Variants in ITPR3 observed in about 807,000 individuals in gnomAD.
The protein encoded by ITPR3 is inositol 1,4,5-trisphosphate-gated calcium channel ITPR3.
A neutral mutation model predicts 293.2 loss-of-function variants in ITPR3; 173 were observed. The observed-to-expected ratio is 0.59, with a 90% CI of 0.52 to 0.67. The LOEUF (loss-of-function observed/expected upper bound fraction) is 0.67. Among genes scored for constraint, ITPR3 ranks in the 30% least tolerant of loss-of-function variants. ITPR3 has a pLI of 0.00. For missense variants in ITPR3, 2,796 were observed against 3,592.1 expected, an observed-to-expected ratio of 0.78 and a Z score of 5.66; for synonymous variants, 1,295 against 1,444.4, an observed-to-expected ratio of 0.90 and a Z score of 2.35.
At position 33,667,278 on chromosome 6, in the gene ITPR3, C is replaced by A. The variant is rs1300972481; in HGVS notation, c.1701C>A (p.Tyr567Ter). The change falls in exon 15 of 58, where the codon TAC becomes TAA. Residue 567 changes from tyrosine (Y) to a stop codon, truncating the protein, a stop_gained. Coordinates refer to ENST00000605930, the MANE Select transcript of ITPR3 (RefSeq NM_002224.4). LOFTEE classifies it high-confidence loss of function. The surrounding 1 kb of genome is among the most constrained non-coding windows in gnomAD (Gnocchi z 4.4). ...YRVLRHSQEDYRKNQEHIAKQ... is the reference protein window; with the variant it reads ...YRVLRHSQED ...TGTTGCGGCATTCCCAGGAGGACTA[C>A]CGCAAGAACCAGGTGCGCCGCTGCC... 6.2e-7 allele frequency: 1 copy of A among 1,612,262 alleles called. No homozygotes were observed. Among genetic ancestry groups the A allele is most frequent in the Non-Finnish European group, 8.5e-7 (1 of 1,179,714 alleles).
chr6:33,656,527 TC>T (rs5875456), intron 3 of ITPR3, among the ~76,000 whole-genome samples: 30,914 of 152,106 alleles, frequency 0.2, 3,768 homozygotes, highest in South Asian at 0.29. Context: ...GGTCTGACCA[TC>T]CTGTAAGTCT....
Position 33,665,065 on chromosome 6 carries a change from C to T in ITPR3, c.1261C>T (p.Pro421Ser), listed in dbSNP as rs1282233387. 1 of 1,613,866 alleles carries T rather than the reference C, an allele frequency of 6.2e-7. No individual in the cohort carries two copies. The highest frequency in any genetic ancestry group is 1.7e-5 in the Admixed American group (1 of 60,032). The change falls in exon 13 of 58, where the codon CCC becomes TCC. Residue 421 changes from proline (P) to serine (S), a missense_variant. Physicochemically the swap from Pro to Ser is moderately conservative, Grantham distance 74. Around this residue, in one of 8 missense-constraint regions of ITPR3, gnomAD observed 955 missense variants for 1,180.8 expected, o/e 0.81. Transcript: ENST00000605930. ...CCTGTCTCTGCAGCTGGGCACCTGC[C>T]CCACCAAGGAGGACAAGGAGGCCTT... ...RPIRLMLGTC[P>S]TKEDKEAFAI...
At position 33,663,759 on chromosome 6, in the gene ITPR3, C is replaced by T. The variant is rs369824854; in HGVS notation, c.1027C>T (p.Arg343Cys). 1.7e-5 allele frequency: 27 copies of T among 1,614,000 alleles called. No individual in the cohort carries two copies. Among genetic ancestry groups the T allele is most frequent in the East Asian group, 4.5e-5 (2 of 44,882 alleles). The stretch of plus-strand genomic sequence containing the variant: ...CCAGGGGGCACAGGGCCGCACAGGC[C>T]GCAGGAATGCTGGGGAGAAGATCAA... The part of the protein sequence containing the change: ...AGMGAQGRTG[R>C]RNAGEKIKYC... The change falls in exon 11 of 58, where the codon CGC (arginine) becomes TGC (cysteine). Residue 343 changes from arginine to cysteine, a missense_variant. Coordinates refer to ENST00000605930, the MANE Select transcript of ITPR3 (RefSeq NM_002224.4).
chr6:33,637,105 C>A (rs1288999626), intron 1 of ITPR3, among the ~76,000 whole-genome samples: 6 of 152,228 alleles, frequency 3.9e-5, no homozygotes, highest in Non-Finnish European at 7.3e-5. Flanking sequence ...TTCTCCAGTA[C>A]TCTGGGGACA....
rs1765406233 is a variant in ITPR3, at chr6:33,691,967, A to G, written c.7458+39A>G. The G allele has an allele frequency of 1.2e-6, 2 of 1,612,540 alleles. No individual in the cohort carries two copies. Among genetic ancestry groups the G allele is most frequent in the Non-Finnish European group, 8.5e-7 (1 of 1,179,904 alleles). Reference sequence around the variant, plus strand: ...CCCACTCCCAAACCTGTGGGGCCCAAGCCACTGTCCAGATCAGCAACTGTG... The same window carrying G: ...CCCACTCCCAAACCTGTGGGGCCCAGGCCACTGTCCAGATCAGCAACTGTG... On this transcript the variant is annotated intron_variant, in intron 54 of 57. Coordinates refer to ENST00000605930, the MANE Select transcript of ITPR3 (RefSeq NM_002224.4). The surrounding 1 kb of genome is among the most constrained non-coding windows in gnomAD (Gnocchi z 4.9).
At chr6:33,686,562 GA>G in intron 43 of ITPR3, 43 bp downstream of exon 43, 1 of 1,370,312 alleles carries the variant, frequency 7.3e-7, no homozygotes, top group Non-Finnish European at 1.0e-6. Flanking sequence ...GTGTGCATGT[GA>G]TGTGCATGCA....
intron 56 of ITPR3, among the ~76,000 whole-genome samples, chr6:33,694,006 C>T (rs1765467408): frequency 6.6e-6 from 1 of 152,210 alleles, no homozygotes; most frequent in Admixed American, 6.5e-5. Context: ...ACAGCAAACC[C>T]ATGCGCCCCG....
At chr6:33,639,971 G>T (rs770303239) in intron 1 of ITPR3, among the ~76,000 whole-genome samples, 1 of 152,136 alleles carries the variant, frequency 6.6e-6, no homozygotes, top group East Asian at 1.9e-4. Context: ...GACTCATGCC[G>T]CTAGTTTGGT....
At chr6:33,690,826 AGGCAGCCCTCAGGGTTCCAGT>A in intron 51 of ITPR3, 70 bp from the exon 52 acceptor site, 1 of 1,214,916 alleles carries the variant, frequency 8.2e-7, no homozygotes, top group Non-Finnish European at 1.2e-6. Context: ...TCTGGAGCCC[AGGCAGCCCTCAGGGTTCCAGT>A]GGCAGCCCCA....
Position 33,686,162 on chromosome 6 carries a change from G to C in ITPR3, c.5777G>C (p.Gly1926Ala). 1 of 1,614,166 alleles carries C rather than the reference G, an allele frequency of 6.2e-7. No individual in the cohort carries two copies. Among genetic ancestry groups the C allele is most frequent in the Non-Finnish European group, 8.5e-7 (1 of 1,180,046 alleles). ...ACCACGGGCGGCCTGGGGCTGCTGG[G>C]GCTCTACATCAATGAGGACAACGTG... ...GSTTGGLGLL[G>A]LYINEDNVGL... Residue 1926 changes from glycine to alanine, a missense_variant, in exon 42 of 58, where the codon GGG (glycine) becomes GCG (alanine). Gly to Ala is a moderately conservative substitution (Grantham distance 60, BLOSUM62 0). This residue lies in a region of ITPR3 where 704 missense variants were observed against 797.5 expected (regional missense o/e 0.88). Transcript: ENST00000605930.
intron 2 of ITPR3, among the ~76,000 whole-genome samples, chr6:33,652,225 C>T (rs1268633162): frequency 6.6e-6 from 1 of 152,110 alleles, no homozygotes; most frequent in African/African-American, 2.4e-5. Flanking sequence ...TTGTGTGCCT[C>T]GTAACCTCTT....
rs1047535266 is a variant in ITPR3, at chr6:33,687,764, G to A, written c.6264+200G>A. ...AGAAATGGAAGCAAGGCTCAGGTGG[G>A]TCTAGGGTGGGTCTGGAAGCTTCAA... On this transcript the variant is annotated intron_variant, in intron 46 of 57. Coordinates refer to ENST00000605930, the MANE Select transcript of ITPR3 (RefSeq NM_002224.4). The surrounding 1 kb of genome is among the most constrained non-coding windows in gnomAD (Gnocchi z 5.3). 6.6e-6 allele frequency among the ~76,000 whole-genome samples: 1 copy of A among 152,150 alleles called. No individual in the cohort carries two copies. The highest frequency in any genetic ancestry group is 2.4e-5 in the African/African-American group (1 of 41,416).
In ITPR3 at chr6:33,665,098, G is replaced by A. The variant is rs916427217; in HGVS notation, c.1294G>A (p.Val432Met). Residue 432 changes from valine to methionine, a missense_variant, in exon 13 of 58, where the codon GTG (valine) becomes ATG (methionine). Physicochemically the swap from Val to Met is conservative, Grantham distance 21. Coordinates refer to ENST00000605930, the MANE Select transcript of ITPR3 (RefSeq NM_002224.4). ...TKEDKEAFAI[V>M]SVPVSEIRDL... The stretch of plus-strand genomic sequence containing the variant: ...GGAGGACAAGGAGGCCTTTGCCATC[G>A]TGTCAGTGCCCGTGTCTGAGATCCG... 3 of 1,614,124 alleles carry A rather than the reference G, an allele frequency of 1.9e-6. No individual in the cohort carries two copies. Among genetic ancestry groups the A allele is most frequent in the Admixed American group, 1.7e-5 (1 of 60,030 alleles).
intron 21 of ITPR3, 28 bp from the exon 22 acceptor site, chr6:33,671,989 ACAACCTCCTTGG>A (rs780592609): frequency 6.4e-7 from 1 of 1,561,600 alleles, no homozygotes; most frequent in South Asian, 1.2e-5. Flanking sequence ...TACAGCCTCT[ACAACCTCCTTGG>A]CAACCTCCTC....
chr6:33,677,373 C>T, intron 27 of ITPR3, 131 bp from the exon 28 acceptor site: 1 of 1,277,406 alleles, frequency 7.8e-7, no homozygotes, highest in South Asian at 1.4e-5. Context: ...TTGCAAGGGT[C>T]TGATTCAGCG....
In ITPR3 at chr6:33,678,544, G is replaced by A. The variant is rs754601703; in HGVS notation, c.3771+1G>A. 6.2e-7 allele frequency: 1 copy of A among 1,608,932 alleles called. No homozygotes were observed. Among genetic ancestry groups the A allele is most frequent in the South Asian group, 1.1e-5 (1 of 90,724 alleles). On this transcript the variant is annotated splice_donor_variant, in intron 29 of 57. Coordinates refer to ENST00000605930, the MANE Select transcript of ITPR3 (RefSeq NM_002224.4). LOFTEE classifies it high-confidence loss of function. ...CCTGCACCTCTTCCTCACGCCAGGG[G>A]TGAGGGTGCAGGGCTGGGAGCACCT...
chr6:33,694,707 GCCT>G, intron 56 of ITPR3: 2 of 568,642 alleles, frequency 3.5e-6, no homozygotes, highest in South Asian at 2.2e-5. Context: ...ACGGAAGTCA[GCCT>G]GTCTCGGTGG....
chr6:33,663,520 T>A lies in ITPR3; in HGVS notation c.975T>A (p.Gly325=), dbSNP rs996660439. The A allele has an allele frequency of 3.7e-6, 6 of 1,606,076 alleles. No individual in the cohort carries two copies. Among genetic ancestry groups the A allele is most frequent in the Non-Finnish European group, 4.3e-6 (5 of 1,175,902 alleles). Residue 325 remains glycine, a synonymous_variant, in exon 10 of 58, where the codon GGT becomes GGA. Coordinates refer to ENST00000605930, the MANE Select transcript of ITPR3 (RefSeq NM_002224.4). ...LAAEENPSYK[G]DASDPKAAGM... Reference sequence around the variant, plus strand: ...TCCAGGAGAACCCCAGTTACAAAGGTGATGCCTCAGATCCCAAGGCAGCAG... The same window carrying A: ...TCCAGGAGAACCCCAGTTACAAAGGAGATGCCTCAGATCCCAAGGCAGCAG...
Position 33,690,179 on chromosome 6 carries a change from A to G in ITPR3, c.7013A>G (p.Glu2338Gly). The part of the protein sequence containing the change: ...LTSVLGLFAH[E>G]LFYSILLFDL... ...AGTGTCCTGGGCCTCTTTGCTCATGAGCTGTTCTACAGCATCCTGGTGAGG... is the reference window on the plus strand; with the variant it reads ...AGTGTCCTGGGCCTCTTTGCTCATGGGCTGTTCTACAGCATCCTGGTGAGG... Residue 2338 changes from glutamate (E) to glycine (G), a missense_variant, in exon 51 of 58, where the codon GAG (glutamate) becomes GGG (glycine). By Grantham distance (98) the Glu-to-Gly change is moderately conservative. Coordinates refer to ENST00000605930, the MANE Select transcript of ITPR3 (RefSeq NM_002224.4). 6.2e-7 allele frequency: 1 copy of G among 1,608,516 alleles called. No individual in the cohort carries two copies. The highest frequency in any genetic ancestry group is 8.5e-7 in the Non-Finnish European group (1 of 1,177,416).
Sources: gnomAD v4.1 joint callset for allele counts (sites outside exome capture counted in the v4.1 genomes callset) on GRCh38, gnomAD v4.1.1 for gene constraint, gnomAD v4.1.1 regional missense constraint, Gnocchi (gnomAD v3.1) non-coding constraint, MANE v1.5 for transcripts, NCBI Gene and HGNC (gene_info 2026-07-23, HGNC 2026-07-21) for gene names.